Variants in SLC7A14 observed in about 807,000 individuals in gnomAD.
SLC7A14 encodes the protein solute carrier family 7 member 14, also known as gamma-aminobutyric acid transporter SLC7A14.
SLC7A14 carries 37 observed loss-of-function variants against 60.2 expected under a neutral mutation model. That is an observed-to-expected ratio of 0.61 (90% CI 0.47 to 0.81). The LOEUF is 0.81. Ranked by LOEUF, SLC7A14 falls within the 30% of genes least tolerant of loss-of-function variation. The pLI is 0.00. For missense variants in SLC7A14, 886 were observed against 982.7 expected (o/e 0.90, Z 1.32); for synonymous variants, 399 against 395.8 (o/e 1.01, Z -0.10).
intron 2 of SLC7A14, among the ~76,000 whole-genome samples, chr3:170,526,192 A>T (rs1713491083): frequency 6.6e-6 from 1 of 152,122 alleles, no homozygotes; most frequent in South Asian, 2.1e-4. Flanking sequence ...AGTTGAGGTC[A>T]GGAGTTTGAG....
intron 2 of SLC7A14, among the ~76,000 whole-genome samples, chr3:170,505,302 TG>T (rs1469296441): frequency 1.3e-5 from 2 of 152,214 alleles, no homozygotes; most frequent in African/African-American, 4.8e-5. Context: ...TTGTGGCAGT[TG>T]TACTCACAGT....
At position 170,577,595 on chromosome 3, in the gene SLC7A14, G is replaced by A. The variant is rs547139164; in HGVS notation, c.-153+8316C>T. ...ATTGCGCCACTGCAGTCCGCAGTCC[G>A]GCCTGGGCGACAGAGCGAGACTCCG... is the stretch of plus-strand genomic sequence containing the variant. On this transcript the variant is annotated intron_variant, in intron 1 of 7. Coordinates refer to ENST00000231706, the MANE Select transcript of SLC7A14 (RefSeq NM_020949.3). 3.9e-4 allele frequency among the ~76,000 whole-genome samples: 56 copies of A among 144,904 alleles called. No homozygotes were observed. In the South Asian group the frequency reaches 5.1e-3, roughly 13 times the overall value.
intron 4 of SLC7A14, among the ~76,000 whole-genome samples, chr3:170,493,595 C>T (rs538621496): frequency 9.9e-5 from 15 of 152,234 alleles, no homozygotes; most frequent in Middle Eastern, 3.4e-3. Context: ...TATCTGTTGA[C>T]GAGGCAACAC....
chr3:170,537,075 A>G (rs1713870631), intron 1 of SLC7A14, among the ~76,000 whole-genome samples: 1 of 152,162 alleles, frequency 6.6e-6, no homozygotes, highest in African/African-American at 2.4e-5. Context: ...TATCTCACAC[A>G]ATTCCCTCTT....
intron 1 of SLC7A14, among the ~76,000 whole-genome samples, chr3:170,551,944 A>G (rs1317530771): frequency 2.6e-5 from 4 of 151,990 alleles, no homozygotes; most frequent in Non-Finnish European, 5.9e-5. Flanking sequence ...TTTTCCTTTT[A>G]TTGTTTATGC....
chr3:170,498,884 C>T lies in SLC7A14; in HGVS notation c.542G>A (p.Gly181Glu). 1 of 1,613,904 alleles carries T rather than the reference C, an allele frequency of 6.2e-7. No homozygotes were observed. Among genetic ancestry groups the T allele is most frequent in the Non-Finnish European group, 8.5e-7 (1 of 1,179,920 alleles). Residue 181 changes from glycine (G) to glutamate (E), a missense_variant and splice_region_variant, in exon 4 of 8, where the codon GGG becomes GAG. Transcript: ENST00000231706. Reference sequence around the variant, plus strand: ...GTCTGGGTATGATTCTTCACCTTTCCCTAGAGAGGAAAGACATGATTTGAC... The same window carrying T: ...GTCTGGGTATGATTCTTCACCTTTCTCTAGAGAGGAAAGACATGATTTGAC... ...ADSVGTLNGL[G>E]KGEESYPDLL...
chr3:170,479,152 TAAC>T (rs71300473), intron 7 of SLC7A14, among the ~76,000 whole-genome samples: 40 of 150,596 alleles, frequency 2.7e-4, no homozygotes, highest in African/African-American at 5.8e-4. Context: ...AACAAACAAA[TAAC>T]AACAACAACA....
At chr3:170,550,511 A>AATTTTTTTTTTT (rs1374428834) in intron 1 of SLC7A14, among the ~76,000 whole-genome samples, 1 of 54,322 alleles carries the variant, frequency 1.8e-5, no homozygotes, top group African/African-American at 1.5e-4. Flanking sequence ...TCTTTCCTTG[A>AATTTTTTTTTTT]ATTTTTTTTT....
intron 4 of SLC7A14, chr3:170,496,254 TG>T: frequency 1.0e-6 from 1 of 952,426 alleles, no homozygotes; most frequent in Non-Finnish European, 1.7e-6. Context: ...CAACCGCAGC[TG>T]GGCTGAGGCT....
intron 1 of SLC7A14, among the ~76,000 whole-genome samples, chr3:170,563,168 T>C (rs1714699712): frequency 6.6e-6 from 1 of 152,286 alleles, no homozygotes; most frequent in African/African-American, 2.4e-5. Context: ...TTTTTGGTCA[T>C]TTAACTTGAA....
At chr3:170,584,969 G>A (rs1715343319) in intron 1 of SLC7A14, among the ~76,000 whole-genome samples, 1 of 152,140 alleles carries the variant, frequency 6.6e-6, no homozygotes, top group African/African-American at 2.4e-5. Flanking sequence ...ACAGGAGCGA[G>A]CCCCGCTGCT....
In SLC7A14 at chr3:170,480,736, T is replaced by C. The variant is rs760356090; in HGVS notation, c.1546A>G (p.Met516Val). 8.1e-6 allele frequency: 13 copies of C among 1,614,244 alleles called. No individual in the cohort carries two copies. Among genetic ancestry groups the C allele is most frequent in the Admixed American group, 1.7e-5 (1 of 60,030 alleles). ...VNHPNYGTVD[M>V]TTGIEADESE... is the part of the protein sequence containing the mutation. ...TCATCAGCTTCTATGCCTGTGGTCA[T>C]GTCCACGGTGCCGTAATTGGGGTGG... Residue 516 changes from methionine to valine, a missense_variant, in exon 7 of 8, where the codon ATG becomes GTG. Physicochemically the swap from Met to Val is conservative, Grantham distance 21. Transcript: ENST00000231706.
chr3:170,561,253 A>G (rs1027425849), intron 1 of SLC7A14, among the ~76,000 whole-genome samples: 2 of 152,336 alleles, frequency 1.3e-5, no homozygotes, highest in African/African-American at 4.8e-5. Flanking sequence ...CAGGATTAAT[A>G]CAGAGCCTAG....
At chr3:170,489,755 G>A (rs556379966) in intron 4 of SLC7A14, among the ~76,000 whole-genome samples, 2 of 152,330 alleles carry the variant, frequency 1.3e-5, no homozygotes, top group South Asian at 4.1e-4. Flanking sequence ...GTACTATGCA[G>A]CCATAAAAAA....
chr3:170,501,092 G>A lies in SLC7A14; in HGVS notation c.541+17C>T. 6.2e-7 allele frequency: 1 copy of A among 1,611,832 alleles called. No homozygotes were observed. The highest frequency in any genetic ancestry group is 8.5e-7 in the Non-Finnish European group (1 of 1,177,952). On this transcript the variant is annotated intron_variant, in intron 3 of 7. Transcript: ENST00000231706. ...GTAAGTTTGCATGTTGAGGGTAGGA[G>A]GATGTGGCAGTCTCACCCAGGCCAT...
intron 2 of SLC7A14, among the ~76,000 whole-genome samples, chr3:170,525,671 T>C (rs1713471041): frequency 6.6e-6 from 1 of 152,132 alleles, no homozygotes; most frequent in South Asian, 2.1e-4. Context: ...TCTTCCGGTG[T>C]AAAGGAGAGT....
At chr3:170,488,252 C>A (rs1712099473) in intron 4 of SLC7A14, among the ~76,000 whole-genome samples, 6 of 152,122 alleles carry the variant, frequency 3.9e-5, no homozygotes, top group Admixed American at 3.9e-4. Context: ...TCTAATAAGT[C>A]AGGTAGAAAG....
chr3:170,519,790 C>T (rs1713289391), intron 2 of SLC7A14, among the ~76,000 whole-genome samples: 1 of 152,030 alleles, frequency 6.6e-6, no homozygotes, highest in South Asian at 2.1e-4. Context: ...ATGAAACAAA[C>T]AAACAAAAAA....
At chr3:170,498,628 G>A (rs1228690256) in intron 4 of SLC7A14, 39 bp downstream of exon 4, 8 of 1,592,350 alleles carry the variant, frequency 5.0e-6, no homozygotes, top group Non-Finnish European at 6.9e-6. Context: ...AGAAGGCAGA[G>A]TGTGTGACAG....
Sources: gnomAD v4.1 joint callset for allele counts (sites outside exome capture counted in the v4.1 genomes callset) on GRCh38, gnomAD v4.1.1 for gene constraint, MANE v1.5 for transcripts, NCBI Gene and HGNC (gene_info 2026-07-23, HGNC 2026-07-21) for gene names.